Variants in PIBF1 observed in about 807,000 individuals in gnomAD.
PIBF1 encodes progesterone immunomodulatory binding factor 1, also known as progesterone-induced-blocking factor 1.
PIBF1 carries 90 observed loss-of-function variants against 112.5 expected under a neutral mutation model. The ratio of observed to expected loss-of-function variants is 0.80; its 90% CI spans 0.67 to 0.95. The LOEUF (loss-of-function observed/expected upper bound fraction) is 0.95. PIBF1 is among the 40% of genes least tolerant of loss of function. The probability of loss-of-function intolerance (pLI) is 0.00; values close to 1 mark genes in which losing one functional copy is unlikely to be tolerated. For synonymous variants in PIBF1, 301 were observed against 288.6 expected (o/e 1.04, Z -0.44); for missense variants, 915 against 852.3 (o/e 1.07, Z -0.92).
chr13:72,995,361 A>G (rs149211367), intron 16 of PIBF1, among the ~76,000 whole-genome samples: 62 of 152,222 alleles, frequency 4.1e-4, no homozygotes, highest in East Asian at 1.9e-3. Flanking sequence ...TCCCACGCCT[A>G]TCTCCAAGAA....
At chr13:72,851,938 A>C (rs1014128707) in intron 9 of PIBF1, among the ~76,000 whole-genome samples, 1 of 152,186 alleles carries the variant, frequency 6.6e-6, no homozygotes, top group African/African-American at 2.4e-5. Context: ...CTCTCAGCCA[A>C]GAGCTGAGCA....
intron 13 of PIBF1, among the ~76,000 whole-genome samples, chr13:72,930,245 T>C (rs1350187246): frequency 6.6e-6 from 1 of 152,194 alleles, no homozygotes; most frequent in East Asian, 1.9e-4. Flanking sequence ...TTCTGCCCTA[T>C]GATTTTATTT....
chr13:72,997,447 C>T (rs567983221), intron 16 of PIBF1, among the ~76,000 whole-genome samples: 1 of 152,314 alleles, frequency 6.6e-6, no homozygotes, highest in South Asian at 2.1e-4. Flanking sequence ...TTCTCATGTA[C>T]ATTGGCCAAG....
chr13:72,844,625 G>C (rs1193254428), intron 9 of PIBF1, among the ~76,000 whole-genome samples: 3 of 151,660 alleles, frequency 2.0e-5, no homozygotes, highest in Non-Finnish European at 1.5e-5. Flanking sequence ...TGCTGAGAAT[G>C]ATGGAGAAAC....
intron 15 of PIBF1, 91 bp downstream of exon 15, chr13:72,965,495 G>T (rs1198998004): frequency 9.7e-7 from 1 of 1,028,830 alleles, no homozygotes; most frequent in Non-Finnish European, 1.4e-6. Context: ...ATCATGAACA[G>T]AAAATTTAAA....
At chr13:72,799,565 A>G (rs935578658) in intron 5 of PIBF1, among the ~76,000 whole-genome samples, 24 of 152,302 alleles carry the variant, frequency 1.6e-4, no homozygotes, top group African/African-American at 5.8e-4. Flanking sequence ...AAGATAGTTC[A>G]ATTAAAAAAA....
At chr13:72,861,442 G>C (rs1382332720) in intron 10 of PIBF1, among the ~76,000 whole-genome samples, 1 of 152,100 alleles carries the variant, frequency 6.6e-6, no homozygotes, top group Non-Finnish European at 1.5e-5. Flanking sequence ...ATTAGTACAA[G>C]GCCAAAATAA....
At chr13:72,862,129 A>G (rs924699068) in intron 10 of PIBF1, among the ~76,000 whole-genome samples, 5 of 152,212 alleles carry the variant, frequency 3.3e-5, no homozygotes, top group African/African-American at 4.8e-5. Flanking sequence ...TAGAGATTCA[A>G]TAGAAGAAAA....
chr13:72,808,423 T>G (rs1315815863), intron 5 of PIBF1, among the ~76,000 whole-genome samples: 1 of 152,200 alleles, frequency 6.6e-6, no homozygotes, highest in East Asian at 1.9e-4. Flanking sequence ...AACTTAAAAT[T>G]GTTTAGACCA....
chr13:72,835,473 A>G (rs2037315953), intron 9 of PIBF1, 105 bp downstream of exon 9: 1 of 817,218 alleles, frequency 1.2e-6, no homozygotes, highest in Non-Finnish European at 1.8e-6. Flanking sequence ...TTTTTAATAC[A>G]TTAGAGAAAA....
intron 10 of PIBF1, among the ~76,000 whole-genome samples, chr13:72,875,038 G>A (rs1261504413): frequency 6.6e-6 from 1 of 152,150 alleles, no homozygotes; most frequent in Admixed American, 6.5e-5. Flanking sequence ...CATTCTGTAT[G>A]TTTGGACAAA....
At chr13:72,849,471 A>T (rs2038031167) in intron 9 of PIBF1, among the ~76,000 whole-genome samples, 1 of 152,218 alleles carries the variant, frequency 6.6e-6, no homozygotes, top group African/African-American at 2.4e-5. Flanking sequence ...AATGCATTTA[A>T]CATTTGAAAT....
chr13:72,800,933 T>G (rs890140063), intron 5 of PIBF1, among the ~76,000 whole-genome samples: 4 of 152,102 alleles, frequency 2.6e-5, no homozygotes, highest in Non-Finnish European at 5.9e-5. Context: ...AGCTTAGAAG[T>G]TTACAAAGCC....
intron 14 of PIBF1, among the ~76,000 whole-genome samples, chr13:72,956,560 T>TCA (rs2042450639): frequency 6.6e-6 from 1 of 152,230 alleles, no homozygotes. Flanking sequence ...ATTTGATCTA[T>TCA]CTGTGGCATG....
chr13:73,002,304 C>T (rs200858115), intron 17 of PIBF1, among the ~76,000 whole-genome samples: 1 of 152,164 alleles, frequency 6.6e-6, no homozygotes, highest in African/African-American at 2.4e-5. Flanking sequence ...AGAATGAAAG[C>T]TTCACCTCCC....
intron 14 of PIBF1, among the ~76,000 whole-genome samples, chr13:72,956,885 A>G (rs1329680311): frequency 6.6e-6 from 1 of 152,266 alleles, no homozygotes; most frequent in Non-Finnish European, 1.5e-5. Flanking sequence ...AAAAGAAGAT[A>G]TACAAATGGC....
chr13:72,860,717 G>A (rs1020236662), intron 10 of PIBF1, among the ~76,000 whole-genome samples: 40 of 152,102 alleles, frequency 2.6e-4, no homozygotes, highest in African/African-American at 9.2e-4. Context: ...TAAACAACCT[G>A]TGTTATAAAG....
At chr13:72,947,813 A>G (rs2042189733) in intron 14 of PIBF1, among the ~76,000 whole-genome samples, 1 of 152,200 alleles carries the variant, frequency 6.6e-6, no homozygotes, top group Non-Finnish European at 1.5e-5. Context: ...ACTATTCACA[A>G]TAGCAAAGAC....
chr13:72,986,718 C>T (rs1052015597), intron 16 of PIBF1, among the ~76,000 whole-genome samples: 1 of 126,674 alleles, frequency 7.9e-6, no homozygotes, highest in Admixed American at 9.9e-5. Context: ...GAGTCTCGCT[C>T]TGTCGCCCAG....
Sources: allele counts gnomAD v4.1 joint callset (sites outside exome capture counted in the v4.1 genomes callset), GRCh38; gene constraint gnomAD v4.1.1; transcripts MANE v1.5; gene names NCBI Gene and HGNC (gene_info 2026-07-23, HGNC 2026-07-21).